Variants in VAPB observed in about 807,000 individuals in gnomAD.
The protein encoded by VAPB is VAMP associated protein B and C, also known as vesicle-associated membrane protein-associated protein B/C.
VAPB carries 7 observed loss-of-function variants against 25.6 expected under a neutral mutation model. The ratio of observed to expected loss-of-function variants is 0.27; its 90% CI spans 0.16 to 0.51. The LOEUF (loss-of-function observed/expected upper bound fraction) is 0.51. Among genes scored for constraint, VAPB ranks in the 20% least tolerant of loss-of-function variants. The probability of loss-of-function intolerance (pLI) is 0.97; values close to 1 mark genes in which losing one functional copy is unlikely to be tolerated. For missense variants in VAPB, 266 were observed against 301.3 expected, an observed-to-expected ratio of 0.88 and a Z score of 0.87; for synonymous variants, 112 against 109.2, an observed-to-expected ratio of 1.03 and a Z score of -0.16.
chr20:58,424,633 A>G (rs986298584), intron 2 of VAPB, among the ~76,000 whole-genome samples: 1 of 152,232 alleles, frequency 6.6e-6, no homozygotes, highest in African/African-American at 2.4e-5. Flanking sequence ...GGATTTTTGA[A>G]AAAGATTTAC....
Position 58,447,010 on chromosome 20 carries a change from C to A in VAPB, c.*2775C>A. 1 of 454,080 alleles carries A rather than the reference C, an allele frequency of 2.2e-6. No individual in the cohort carries two copies. Among genetic ancestry groups the A allele is most frequent in the African/African-American group, 2.0e-5 (1 of 50,116 alleles). The allele number at this position is 454,080 out of a possible 1,614,324, so 28.1% of individuals were successfully genotyped here. Reference sequence around the variant, plus strand: ...AGTCAGATAATCGGGACGAAACTGGCATGGAAAGAGCGAGCCTAGGGAGGA... The same window carrying A: ...AGTCAGATAATCGGGACGAAACTGGAATGGAAAGAGCGAGCCTAGGGAGGA... On this transcript the variant is annotated 3_prime_UTR_variant, in exon 6 of 6. Transcript: ENST00000475243.
At chr20:58,423,402 A>G (rs182218863) in intron 2 of VAPB, among the ~76,000 whole-genome samples, 1 of 137,860 alleles carries the variant, frequency 7.3e-6, no homozygotes, top group African/African-American at 2.7e-5. Flanking sequence ...ACAAGAGAGA[A>G]ACTCCATCTC....
chr20:58,403,453 T>C (rs1421830793), intron 1 of VAPB, among the ~76,000 whole-genome samples: 1 of 152,228 alleles, frequency 6.6e-6, no homozygotes, highest in Non-Finnish European at 1.5e-5. Context: ...ACAGCTAATT[T>C]TGGGGAAGCG....
At chr20:58,401,121 C>A (rs73179866) in intron 1 of VAPB, among the ~76,000 whole-genome samples, 1 of 152,160 alleles carries the variant, frequency 6.6e-6, no homozygotes, top group Non-Finnish European at 1.5e-5. Flanking sequence ...ACCACTTGGT[C>A]GGCTCATTTG....
chr20:58,413,374 C>T (rs1988428573), intron 1 of VAPB, among the ~76,000 whole-genome samples: 2 of 151,950 alleles, frequency 1.3e-5, no homozygotes, highest in Admixed American at 1.3e-4. Flanking sequence ...TGCCTTCAAG[C>T]ATCTGTTTAA....
chr20:58,444,500 A>C lies in VAPB; in HGVS notation c.*265A>C. ...TTAATGACAAGGGAAACCATGAGTA[A>C]TGCCACAATGGCATATTGTAAATGT... is the stretch of plus-strand genomic sequence containing the variant. On this transcript the variant is annotated 3_prime_UTR_variant, in exon 6 of 6. Transcript: ENST00000475243. 1.7e-6 allele frequency: 1 copy of C among 594,730 alleles called. No homozygotes were observed. The highest frequency in any genetic ancestry group is 1.5e-5 in the South Asian group (1 of 65,814). 36.8% of individuals were successfully genotyped at this position (594,730 alleles called of 1,614,324 possible). A position where few individuals can be genotyped will look rare whatever the true frequency, so the allele number is the denominator to read the frequency against.
Position 58,434,577 on chromosome 20 carries a change from C to G in VAPB, c.212-25C>G, listed in dbSNP as rs367771052. On this transcript the variant is annotated intron_variant, in intron 2 of 5. Transcript: ENST00000475243. ...GCACTGACAACCAAGCTCTGACCCT[C>G]CTAATGAAATATTTTCTTTCTCAGT... 2.1e-5 allele frequency: 25 copies of G among 1,176,100 alleles called. 1 individual carries two copies. The African/African-American group carries it at 3.6e-4, about 17-fold the overall frequency. 72.9% of individuals were successfully genotyped at this position (1,176,100 alleles called of 1,614,324 possible). A position where few individuals can be genotyped will look rare whatever the true frequency, so the allele number is the denominator to read the frequency against.
Position 58,389,323 on chromosome 20 carries a change from C to CCCGGCG in VAPB, c.-136_-135insCGGCGC. 1 of 944,086 alleles carries CCCGGCG rather than the reference C, an allele frequency of 1.1e-6. No individual in the cohort carries two copies. Among genetic ancestry groups the CCCGGCG allele is most frequent in the Non-Finnish European group, 1.6e-6 (1 of 611,330 alleles). The allele number at this position is 944,086 out of a possible 1,614,324, so 58.5% of individuals were successfully genotyped here. A position where few individuals can be genotyped will look rare whatever the true frequency, so the allele number is the denominator to read the frequency against. Reference sequence around the variant, plus strand: ...ACCGACCCCCCCCCAGCGCGCCCACCCGGTAGAGGACCCCCGCCCGTGCCC... The same window carrying CCCGGCG: ...ACCGACCCCCCCCCAGCGCGCCCACCCCGGCGCGGTAGAGGACCCCCGCCCGTGCCC... On this transcript the variant is annotated 5_prime_UTR_variant, in exon 1 of 6. Coordinates refer to ENST00000475243, the MANE Select transcript of VAPB (RefSeq NM_004738.5).
At chr20:58,397,460 G>C (rs147702580) in intron 1 of VAPB, among the ~76,000 whole-genome samples, 3 of 151,342 alleles carry the variant, frequency 2.0e-5, no homozygotes, top group African/African-American at 7.3e-5. Context: ...CGGAGGTTGC[G>C]GTGAGCCGAG....
intron 2 of VAPB, among the ~76,000 whole-genome samples, chr20:58,428,666 C>G (rs1988861327): frequency 6.6e-6 from 1 of 152,108 alleles, no homozygotes; most frequent in Non-Finnish European, 1.5e-5. Context: ...ATGGCAAACT[C>G]TTTTATAGTC....
rs1368834868 is a variant in VAPB at position 58,449,280 on chromosome 20, C to T, written c.*5045C>T. 4.4e-6 allele frequency: 2 copies of T among 453,866 alleles called. No homozygotes were observed. Among genetic ancestry groups the T allele is most frequent in the Admixed American group, 2.4e-5 (1 of 42,526 alleles). 28.1% of individuals were successfully genotyped at this position (453,866 alleles called of 1,614,324 possible). A position where few individuals can be genotyped will look rare whatever the true frequency, so the allele number is the denominator to read the frequency against. On this transcript the variant is annotated 3_prime_UTR_variant, in exon 6 of 6. Transcript: ENST00000475243. The stretch of plus-strand genomic sequence containing the variant: ...ACCTCCCTCCATGCCATGTTTTTGG[C>T]TGTATCTACGGCACTTAACAATAGG...
At chr20:58,398,090 C>G (rs1340226489) in intron 1 of VAPB, among the ~76,000 whole-genome samples, 2 of 152,104 alleles carry the variant, frequency 1.3e-5, no homozygotes, top group Non-Finnish European at 2.9e-5. Context: ...CTTAACCTAC[C>G]CAACATCATA....
intron 1 of VAPB, among the ~76,000 whole-genome samples, chr20:58,392,881 G>T (rs1317036046): frequency 6.6e-6 from 1 of 152,202 alleles, no homozygotes; most frequent in Non-Finnish European, 1.5e-5. Flanking sequence ...GAAGTACTAT[G>T]CTGCATCATA....
At chr20:58,440,661 T>A (rs1261422389) in intron 4 of VAPB, 2 of 412,048 alleles carry the variant, frequency 4.9e-6, no homozygotes, top group East Asian at 1.0e-4. Context: ...CCTTTTTCTC[T>A]TTCTTTGAAG....
At chr20:58,393,268 C>T (rs1987854325) in intron 1 of VAPB, among the ~76,000 whole-genome samples, 1 of 152,130 alleles carries the variant, frequency 6.6e-6, no homozygotes, top group South Asian at 2.1e-4. Context: ...TGGCCTCAAG[C>T]AGTCCTCCCG....
chr20:58,421,714 G>A (rs1399578567), intron 2 of VAPB, among the ~76,000 whole-genome samples: 1 of 152,032 alleles, frequency 6.6e-6, no homozygotes, highest in Non-Finnish European at 1.5e-5. Flanking sequence ...AAGAAAGAGA[G>A]GAGGGAAGCA....
In VAPB at chr20:58,448,594, C is replaced by G. The variant is rs1053665657; in HGVS notation, c.*4359C>G. 1.3e-4 allele frequency: 59 copies of G among 453,972 alleles called. No individual in the cohort carries two copies. The highest frequency in any genetic ancestry group is 2.3e-4 in the Admixed American group (10 of 42,556). The allele number at this position is 453,972 out of a possible 1,614,324, so 28.1% of individuals were successfully genotyped here. On this transcript the variant is annotated 3_prime_UTR_variant, in exon 6 of 6. Transcript: ENST00000475243. ...ACATTGCTAAGATACCATTTCAGCT[C>G]TGAAAATCTGCTTCAGGGAAGTGAG...
chr20:58,448,466 T>C lies in VAPB; in HGVS notation c.*4231T>C, dbSNP rs1277356308. 4.4e-6 allele frequency: 2 copies of C among 453,978 alleles called. No homozygotes were observed. The highest frequency in any genetic ancestry group is 2.4e-5 in the Admixed American group (1 of 42,550). 28.1% of individuals were successfully genotyped at this position (453,978 alleles called of 1,614,324 possible). On this transcript the variant is annotated 3_prime_UTR_variant, in exon 6 of 6. Transcript: ENST00000475243. The stretch of plus-strand genomic sequence containing the variant: ...GCTCATTGAACTTAATCCTTGCAAC[T>C]GTGACTGGGGGGTAGATGGCTCTGT...
chr20:58,440,744 AG>A, intron 4 of VAPB, 162 bp from the exon 5 acceptor site: 1 of 636,070 alleles, frequency 1.6e-6, no homozygotes, highest in South Asian at 1.9e-5. Context: ...TAGATTATTA[AG>A]ATATCAGATA....
Sources: gnomAD v4.1 joint callset for allele counts (sites outside exome capture counted in the v4.1 genomes callset) on GRCh38, gnomAD v4.1.1 for gene constraint, MANE v1.5 for transcripts, NCBI Gene and HGNC (gene_info 2026-07-23, HGNC 2026-07-21) for gene names.